The following SHROOM2 variants were observed in gnomAD, a reference collection of about 807,000 sequenced individuals.
The protein encoded by SHROOM2 is shroom family member 2, also known as protein Shroom2.
A neutral mutation model predicts 75.9 loss-of-function variants in SHROOM2; 33 were observed. That is an observed-to-expected ratio of 0.43 (90% CI 0.33 to 0.58). The LOEUF is 0.58. SHROOM2 is among the 20% of genes least tolerant of loss of function. The probability of loss-of-function intolerance (pLI) is 0.04; values close to 1 mark genes in which losing one functional copy is unlikely to be tolerated. For missense variants in SHROOM2, 1,434 were observed against 1,461.2 expected (o/e 0.98, Z 0.30); for synonymous variants, 655 against 663.6 (o/e 0.99, Z 0.20).
chrX:9,791,567 G>C (rs897302851), intron 1 of SHROOM2, among the ~76,000 whole-genome samples: 15 of 112,231 alleles, frequency 1.3e-4, no homozygotes, highest in Non-Finnish European at 1.1e-4. Context: ...CAGCAGTGGG[G>C]CAATTCATGA....
chrX:9,933,197 G>A (rs984611216), intron 6 of SHROOM2, among the ~76,000 whole-genome samples: 8 of 110,417 alleles, frequency 7.2e-5, no homozygotes, highest in African/African-American at 2.0e-4. Context: ...TTTTTTTGTC[G>A]TTGTTGTTGT....
At chrX:9,885,016 C>T (rs2084253024) in intron 2 of SHROOM2, among the ~76,000 whole-genome samples, 1 of 111,054 alleles carries the variant, frequency 9.0e-6, no homozygotes, top group Admixed American at 9.6e-5. Context: ...TCAAGACCAG[C>T]CTGGGTGACA....
chrX:9,801,182 A>T (rs1482632834), intron 1 of SHROOM2, among the ~76,000 whole-genome samples: 5 of 111,954 alleles, frequency 4.5e-5, no homozygotes, highest in Non-Finnish European at 7.5e-5. Flanking sequence ...AAAACTCCTT[A>T]TAAAACCATC....
At position 9,932,705 on chromosome X, in the gene SHROOM2, G is replaced by A; in HGVS notation, c.3422G>A (p.Gly1141Glu). ...GAGCGTGGAAGCCAGCATGTGAGCG[G>A]GGACGCATCACGTCCTCTGCCAGAA... is the stretch of plus-strand genomic sequence containing the variant. ...VCERGSQHVS[G>E]DASRPLPEAL... The change falls in exon 6 of 10, where the codon GGG (glycine) becomes GAG (glutamate). Residue 1141 changes from glycine (G) to glutamate (E), a missense_variant. By Grantham distance (98) the Gly-to-Glu change is moderately conservative. Transcript: ENST00000380913. 3.3e-6 allele frequency: 4 copies of A among 1,211,385 alleles called. No homozygotes were observed. The highest frequency in any genetic ancestry group is 3.4e-6 in the Non-Finnish European group (3 of 895,510).
chrX:9,840,096 C>T (rs1311248182), intron 1 of SHROOM2, among the ~76,000 whole-genome samples: 1 of 111,908 alleles, frequency 8.9e-6, no homozygotes, highest in East Asian at 2.8e-4. Context: ...GGTACCATTT[C>T]TAGGCCCTCT....
In SHROOM2 at chrX:9,792,159, T is replaced by TAAATACAATAGAATAGAATAGAATAGA. The variant is rs1240744489; in HGVS notation, c.165+5451_165+5452insATACAATAGAATAGAATAGAATAGAAA. Among the ~76,000 whole-genome samples, 2 of 7,413 alleles carry TAAATACAATAGAATAGAATAGAATAGA rather than the reference T, an allele frequency of 2.7e-4. 1 individual carries two copies. Among genetic ancestry groups the TAAATACAATAGAATAGAATAGAATAGA allele is most frequent in the African/African-American group, 6.5e-4 (2 of 3,057 alleles). 6.4% of individuals were successfully genotyped at this position (7,413 alleles called of 115,157 possible). The stretch of plus-strand genomic sequence containing the variant: ...TAGAATAGAATAGAATAGAATAGAA[T>TAAATACAATAGAATAGAATAGAATAGA]AATCACCAGTATCTGATACAGGGAG... On this transcript the variant is annotated intron_variant, in intron 1 of 9. Coordinates refer to ENST00000380913, the MANE Select transcript of SHROOM2 (RefSeq NM_001649.4).
intron 1 of SHROOM2, among the ~76,000 whole-genome samples, chrX:9,816,203 C>T (rs1383371825): frequency 1.8e-5 from 2 of 112,076 alleles, no homozygotes; most frequent in Non-Finnish European, 3.8e-5. Flanking sequence ...GGGTGGTTCT[C>T]CTTTGTGATT....
intron 1 of SHROOM2, among the ~76,000 whole-genome samples, chrX:9,847,879 T>A (rs1452276816): frequency 8.9e-6 from 1 of 111,964 alleles, no homozygotes; most frequent in Non-Finnish European, 1.9e-5. Flanking sequence ...GTAACAAAGT[T>A]ATCACTTTTT....
At chrX:9,913,260 G>A (rs774901081) in intron 5 of SHROOM2, 1 of 112,609 alleles carries the variant, frequency 8.9e-6, no homozygotes, top group East Asian at 2.8e-4. Flanking sequence ...AAAAAAAAGC[G>A]GCGAAATCAG....
At chrX:9,913,933 C>G (rs1054644411) in intron 5 of SHROOM2, among the ~76,000 whole-genome samples, 1 of 111,523 alleles carries the variant, frequency 9.0e-6, no homozygotes, top group Admixed American at 9.6e-5. Flanking sequence ...ACAAGTATTT[C>G]TTATTATTTT....
At chrX:9,918,630 T>C (rs1404618332) in intron 5 of SHROOM2, among the ~76,000 whole-genome samples, 2 of 111,962 alleles carry the variant, frequency 1.8e-5, no homozygotes, top group African/African-American at 3.3e-5. Flanking sequence ...ACTGGGACTT[T>C]AGGCATGTAC....
chrX:9,886,617 C>G (rs2084262339), intron 2 of SHROOM2, among the ~76,000 whole-genome samples: 1 of 110,518 alleles, frequency 9.0e-6, no homozygotes, highest in Non-Finnish European at 1.9e-5. Context: ...CCTCCCCCAC[C>G]CCCTGGCAAC....
rs1569161288 is a variant in SHROOM2, at chrX:9,895,607, G to A, written c.1699G>A (p.Ala567Thr). The change falls in exon 4 of 10, where the codon GCC becomes ACC. Residue 567 changes from alanine to threonine, a missense_variant. Ala to Thr is a moderately conservative substitution (Grantham distance 58). Around this residue, in one of 3 missense-constraint regions of SHROOM2, gnomAD observed 1,340 missense variants for 1,338.3 expected, o/e 1.00. Coordinates refer to ENST00000380913, the MANE Select transcript of SHROOM2 (RefSeq NM_001649.4). ...RAEKASQRLA[A>T]SITWADGESS... ...AGAAAAAGCCAGCCAGAGGCTGGCA[G>A]CCAGCATCACGTGGGCAGATGGGGA... 8.6e-7 allele frequency: 1 copy of A among 1,163,385 alleles called. No homozygotes were observed. Among genetic ancestry groups the A allele is most frequent in the Non-Finnish European group, 1.1e-6 (1 of 874,275 alleles).
At chrX:9,877,794 A>G (rs1172009211) in intron 2 of SHROOM2, among the ~76,000 whole-genome samples, 1 of 99,691 alleles carries the variant, frequency 1.0e-5, no homozygotes, top group Non-Finnish European at 2.0e-5. Context: ...CAGTTGGGTT[A>G]GTGCAAAAGG....
At position 9,884,123 on chromosome X, in the gene SHROOM2, C is replaced by A. The variant is rs1282202966; in HGVS notation, c.318-6854C>A. Among the ~76,000 whole-genome samples the A allele has an allele frequency of 3.6e-5, 4 of 111,471 alleles. No individual in the cohort carries two copies. In the Admixed American group the frequency reaches 3.8e-4, roughly 11 times the overall value. On this transcript the variant is annotated intron_variant, in intron 2 of 9. Coordinates refer to ENST00000380913, the MANE Select transcript of SHROOM2 (RefSeq NM_001649.4). ...CGTATGTAATACCACCAACACCCCCCGCCCCCCATCGCAGTTTCCAGGCAG... is the reference window on the plus strand; with the variant it reads ...CGTATGTAATACCACCAACACCCCCAGCCCCCCATCGCAGTTTCCAGGCAG...
intron 5 of SHROOM2, among the ~76,000 whole-genome samples, chrX:9,899,700 G>A (rs774561071): frequency 2.8e-4 from 31 of 112,311 alleles, no homozygotes; most frequent in Non-Finnish European, 5.1e-4. Flanking sequence ...CCAAGAATGC[G>A]TGGGTCAGAA....
intron 1 of SHROOM2, chrX:9,818,997 T>C: frequency 1.1e-6 from 1 of 876,629 alleles, no homozygotes; most frequent in South Asian, 2.0e-5. Flanking sequence ...TACGGAGCCA[T>C]TTTCCTTGTC....
chrX:9,869,082 G>A (rs1601956023), intron 1 of SHROOM2, among the ~76,000 whole-genome samples: 1 of 111,086 alleles, frequency 9.0e-6, no homozygotes, highest in East Asian at 2.8e-4. Flanking sequence ...TCAGCTTCCC[G>A]AGTAGCTGGG....
At chrX:9,800,454 C>T (rs2083718226) in intron 1 of SHROOM2, among the ~76,000 whole-genome samples, 1 of 110,597 alleles carries the variant, frequency 9.0e-6, no homozygotes, top group Non-Finnish European at 1.9e-5. Flanking sequence ...GATTCTCTTG[C>T]CTCAGCCTCC....
Sources: gnomAD v4.1 joint callset for allele counts (sites outside exome capture counted in the v4.1 genomes callset) on GRCh38, gnomAD v4.1.1 for gene constraint, gnomAD v4.1.1 regional missense constraint, MANE v1.5 for transcripts, NCBI Gene and HGNC (gene_info 2026-07-23, HGNC 2026-07-21) for gene names.